ZSWIM6: variants seen among roughly 807,000 people sequenced by gnomAD.
ZSWIM6 encodes zinc finger SWIM-type containing 6, also known as zinc finger SWIM domain-containing protein 6.
In ZSWIM6, 9 loss-of-function variants were observed where a neutral mutation model predicts 113.2. The observed-to-expected ratio is 0.08, with a 90% confidence interval of 0.05 to 0.14. The LOEUF (loss-of-function observed/expected upper bound fraction) is 0.14, where lower values mean the gene tolerates loss of function less well. Ranked by LOEUF, ZSWIM6 falls within the 10% of genes least tolerant of loss-of-function variation. ZSWIM6 has a pLI of 1.00. For synonymous variants in ZSWIM6, 611 were observed against 606.5 expected (o/e 1.01, Z -0.11); for missense variants, 1,162 against 1,552.2 (o/e 0.75, Z 4.22).
chr5:61,530,088 T>C lies in ZSWIM6; in HGVS notation c.1874T>C (p.Leu625Pro). 1 of 1,551,594 alleles carries C rather than the reference T, an allele frequency of 6.4e-7. No homozygotes were observed. The highest frequency in any genetic ancestry group is 8.7e-7 in the Non-Finnish European group (1 of 1,146,848). The change falls in exon 8 of 14, where the codon CTG becomes CCG. Residue 625 changes from leucine to proline, a missense_variant. By Grantham distance (98) the Leu-to-Pro change is moderately conservative. This residue lies in a region of ZSWIM6 where 620 missense variants were observed against 804.6 expected (regional missense o/e 0.77). Coordinates refer to ENST00000252744, the MANE Select transcript of ZSWIM6 (RefSeq NM_020928.2). ...PHKNITSITNLEGWVGHPLDP... is the reference protein window; with the variant it reads ...PHKNITSITNPEGWVGHPLDP... ...AAAAACATAACCTCGATAACCAATCTGGAGGGCTGGGTTGGACATCCCCTG... is the reference window on the plus strand; with the variant it reads ...AAAAACATAACCTCGATAACCAATCCGGAGGGCTGGGTTGGACATCCCCTG...
intron 1 of ZSWIM6, among the ~76,000 whole-genome samples, chr5:61,399,589 T>C (rs1745905805): frequency 6.6e-6 from 1 of 152,190 alleles, no homozygotes; most frequent in Non-Finnish European, 1.5e-5. Context: ...AGCTAAATTC[T>C]TAGTGGGGAC....
intron 1 of ZSWIM6, chr5:61,347,079 T>G (rs1744674568): frequency 6.5e-6 from 1 of 153,004 alleles, no homozygotes. Context: ...TATTCAAAAT[T>G]TACTGTTATG....
chr5:61,452,244 T>A (rs1337388200), intron 1 of ZSWIM6, among the ~76,000 whole-genome samples: 2 of 152,206 alleles, frequency 1.3e-5, no homozygotes, highest in Non-Finnish European at 2.9e-5. Context: ...CTGAGATTCA[T>A]CAAAAGGTTG....
At position 61,447,965 on chromosome 5, in the gene ZSWIM6, G is replaced by A. The variant is rs138249021; in HGVS notation, c.677-24716G>A. Among the ~76,000 whole-genome samples the A allele has an allele frequency of 1.4e-3, 213 of 152,320 alleles. 1 individual carries two copies. Among genetic ancestry groups the A allele is most frequent in the African/African-American group, 4.9e-3 (202 of 41,580 alleles). On this transcript the variant is annotated intron_variant, in intron 1 of 13. Coordinates refer to ENST00000252744, the MANE Select transcript of ZSWIM6 (RefSeq NM_020928.2). ...AAGAGAAGTTGGTCAGCAGGAAGCA[G>A]GTGGTCAGTTAGGCAATTGTGATGG...
chr5:61,510,418 A>G (rs185342376), intron 4 of ZSWIM6, among the ~76,000 whole-genome samples: 1 of 151,978 alleles, frequency 6.6e-6, no homozygotes, highest in East Asian at 1.9e-4. Flanking sequence ...TTCTTCCCAC[A>G]TTCTCTGACT....
At chr5:61,337,903 A>G (rs947055051) in intron 1 of ZSWIM6, among the ~76,000 whole-genome samples, 21 of 152,148 alleles carry the variant, frequency 1.4e-4, no homozygotes, top group Non-Finnish European at 7.4e-5. Flanking sequence ...TATTTTTGTA[A>G]TAAAGAAACT....
chr5:61,467,905 C>G (rs1561249555), intron 1 of ZSWIM6, among the ~76,000 whole-genome samples: 2 of 152,170 alleles, frequency 1.3e-5, no homozygotes, highest in Admixed American at 6.5e-5. Flanking sequence ...CAAGCCACCT[C>G]CACGGGCTAG....
At chr5:61,518,594 G>C (rs935533923) in intron 4 of ZSWIM6, among the ~76,000 whole-genome samples, 59 of 152,282 alleles carry the variant, frequency 3.9e-4, no homozygotes, top group Non-Finnish European at 7.1e-4. Flanking sequence ...CTTCTTTTGA[G>C]AAATGTCTGT....
intron 4 of ZSWIM6, among the ~76,000 whole-genome samples, chr5:61,501,277 T>G (rs1748460358): frequency 6.6e-6 from 1 of 152,140 alleles, no homozygotes; most frequent in Non-Finnish European, 1.5e-5. Flanking sequence ...CTTCTTTAAG[T>G]AAACAGAGTA....
chr5:61,415,229 G>A (rs1746222573), intron 1 of ZSWIM6, among the ~76,000 whole-genome samples: 1 of 152,214 alleles, frequency 6.6e-6, no homozygotes, highest in Admixed American at 6.5e-5. Flanking sequence ...AGCCTAGAAA[G>A]TAATTTAGAG....
At chr5:61,474,975 C>G (rs768847675) in intron 2 of ZSWIM6, among the ~76,000 whole-genome samples, 63 of 152,152 alleles carry the variant, frequency 4.1e-4, no homozygotes, top group Admixed American at 6.5e-4. Flanking sequence ...GTAAACAACG[C>G]TGCCACAGAG....
Position 61,538,991 on chromosome 5 carries a change from C to T in ZSWIM6, c.2539+20C>T. The T allele has an allele frequency of 6.7e-7, 1 of 1,489,630 alleles. No individual in the cohort carries two copies. Among genetic ancestry groups the T allele is most frequent in the Non-Finnish European group, 8.9e-7 (1 of 1,117,756 alleles). 92.3% of individuals were successfully genotyped at this position (1,489,630 alleles called of 1,614,324 possible). A position where few individuals can be genotyped will look rare whatever the true frequency, so the allele number is the denominator to read the frequency against. ...CCAAAGGTACTGTACTGTCCTGAGG[C>T]CTCATAATTGTTTCATTCGTTTGCC... On this transcript the variant is annotated intron_variant, in intron 11 of 13. Coordinates refer to ENST00000252744, the MANE Select transcript of ZSWIM6 (RefSeq NM_020928.2).
At chr5:61,533,604 G>A (rs1374571120) in intron 9 of ZSWIM6, among the ~76,000 whole-genome samples, 1 of 152,072 alleles carries the variant, frequency 6.6e-6, no homozygotes, top group East Asian at 1.9e-4. Flanking sequence ...CTTGTTGAGT[G>A]GTATCATAGC....
At position 61,418,845 on chromosome 5, in the gene ZSWIM6, A is replaced by G. The variant is rs373614303; in HGVS notation, c.677-53836A>G. ...TAACTTACTATTATTTTTTTGAGAC[A>G]GAGTCTTGCCCTGTCGCCCAGGCTA... is the stretch of plus-strand genomic sequence containing the variant. On this transcript the variant is annotated intron_variant, in intron 1 of 13. Transcript: ENST00000252744. Among the ~76,000 whole-genome samples the G allele has an allele frequency of 3.2e-4, 48 of 151,860 alleles. 1 individual carries two copies. In the South Asian group the frequency reaches 0.01, roughly 32 times the overall value.
At chr5:61,425,682 T>C (rs1746450245) in intron 1 of ZSWIM6, among the ~76,000 whole-genome samples, 2 of 152,064 alleles carry the variant, frequency 1.3e-5, no homozygotes, top group South Asian at 4.2e-4. Flanking sequence ...GCATTTAAGG[T>C]TAACCAGGAA....
At chr5:61,503,589 A>G (rs957238042) in intron 4 of ZSWIM6, among the ~76,000 whole-genome samples, 2 of 152,112 alleles carry the variant, frequency 1.3e-5, no homozygotes, top group African/African-American at 4.8e-5. Flanking sequence ...GGTCAAATAT[A>G]AGCTTGGAAT....
chr5:61,434,463 C>T (rs1162662176), intron 1 of ZSWIM6, among the ~76,000 whole-genome samples: 5 of 149,702 alleles, frequency 3.3e-5, no homozygotes, highest in East Asian at 4.0e-4. Flanking sequence ...CTTTCCCCCA[C>T]GAGTCCTCAA....
At chr5:61,481,665 C>G (rs1747870153) in intron 2 of ZSWIM6, among the ~76,000 whole-genome samples, 1 of 151,768 alleles carries the variant, frequency 6.6e-6, no homozygotes, top group South Asian at 2.1e-4. Context: ...AAATCAGAAC[C>G]AAATCAAGCA....
intron 1 of ZSWIM6, among the ~76,000 whole-genome samples, chr5:61,349,916 C>A (rs1161149505): frequency 6.6e-6 from 1 of 152,112 alleles, no homozygotes; most frequent in Non-Finnish European, 1.5e-5. Flanking sequence ...AAAAAAAACA[C>A]ATAACTTCAG....
Sources: allele counts gnomAD v4.1 joint callset (sites outside exome capture counted in the v4.1 genomes callset), GRCh38; gene constraint gnomAD v4.1.1; regional missense constraint gnomAD v4.1.1; transcripts MANE v1.5; gene names NCBI Gene and HGNC (gene_info 2026-07-23, HGNC 2026-07-21).